The following PRKDC variants were observed in gnomAD, a reference collection of about 807,000 sequenced individuals.
PRKDC encodes the protein DNA-dependent protein kinase catalytic subunit.
In PRKDC, 82 loss-of-function variants were observed where a neutral mutation model predicts 486.9. The observed-to-expected ratio is 0.17, with a 90% CI of 0.14 to 0.20. The LOEUF is 0.20. Ranked by LOEUF, PRKDC falls within the 10% of genes least tolerant of loss-of-function variation. The pLI is 1.00. For synonymous variants in PRKDC, 1,895 were observed against 1,837.0 expected, an observed-to-expected ratio of 1.03 and a Z score of -0.81; for missense variants, 4,504 against 5,038.2, an observed-to-expected ratio of 0.89 and a Z score of 3.21.
intron 22 of PRKDC, 64 bp downstream of exon 22, chr8:47,918,213 T>A (rs2090018192): frequency 9.2e-7 from 1 of 1,090,390 alleles, no homozygotes; most frequent in South Asian, 1.8e-5. Context: ...TTTTTACTTT[T>A]CACAAGTGTT....
At chr8:47,778,911 T>C (rs1274577523) in intron 81 of PRKDC, 93 bp downstream of exon 81, 1 of 1,444,390 alleles carries the variant, frequency 6.9e-7, no homozygotes, top group African/African-American at 1.4e-5. Flanking sequence ...ATCTTGATGA[T>C]CTCTCTGAGG....
At chr8:47,862,629 C>G in intron 42 of PRKDC, 88 bp from the exon 43 acceptor site, 1 of 1,301,908 alleles carries the variant, frequency 7.7e-7, no homozygotes, top group Admixed American at 2.7e-5. Flanking sequence ...GGACCTAATG[C>G]CATTCAGCCT....
intron 84 of PRKDC, 23 bp downstream of exon 84, chr8:47,777,663 A>G (rs998972079): frequency 4.5e-6 from 7 of 1,548,934 alleles, no homozygotes; most frequent in Non-Finnish European, 6.1e-6. Context: ...AAAAGTGAAA[A>G]GTGCACATGA....
intron 40 of PRKDC, among the ~76,000 whole-genome samples, chr8:47,873,788 T>C (rs1178592632): frequency 6.6e-6 from 1 of 152,110 alleles, no homozygotes; most frequent in African/African-American, 2.4e-5. Context: ...CTCACTTACT[T>C]GTGGCATCCA....
At chr8:47,904,712 G>C (rs2089742651) in intron 26 of PRKDC, among the ~76,000 whole-genome samples, 157 bp downstream of exon 26, 1 of 152,192 alleles carries the variant, frequency 6.6e-6, no homozygotes, top group Admixed American at 6.5e-5. Flanking sequence ...AGAATTGCTT[G>C]ATCCTGGGAG....
At chr8:47,891,715 C>CA (rs2089461811) in intron 31 of PRKDC, among the ~76,000 whole-genome samples, 1 of 151,348 alleles carries the variant, frequency 6.6e-6, no homozygotes, top group Non-Finnish European at 1.5e-5. Context: ...GACTCCATTT[C>CA]AAAAAAGAAA....
intron 58 of PRKDC, among the ~76,000 whole-genome samples, chr8:47,835,323 C>T (rs191009184): frequency 2.6e-5 from 4 of 152,182 alleles, no homozygotes; most frequent in Admixed American, 2.0e-4. Flanking sequence ...CTGAAACTTT[C>T]CCTGATCTTT....
At chr8:47,879,283 A>C (rs2089156362) in intron 39 of PRKDC, among the ~76,000 whole-genome samples, 1 of 152,220 alleles carries the variant, frequency 6.6e-6, no homozygotes, top group African/African-American at 2.4e-5. Context: ...CATGGTGCTG[A>C]TTCAGTATGT....
intron 24 of PRKDC, 120 bp from the exon 25 acceptor site, chr8:47,912,682 T>A: frequency 1.2e-6 from 1 of 842,550 alleles, no homozygotes; most frequent in Non-Finnish European, 1.7e-6. Context: ...AACTATCATG[T>A]AACCCAAATA....
At chr8:47,785,458 G>T in intron 76 of PRKDC, 141 bp from the exon 77 acceptor site, 1 of 730,030 alleles carries the variant, frequency 1.4e-6, no homozygotes, top group Non-Finnish European at 2.2e-6. Context: ...TTTTGGTTGG[G>T]CATGGTGGCT....
chr8:47,921,544 T>C (rs918237200), intron 21 of PRKDC, among the ~76,000 whole-genome samples: 7 of 152,132 alleles, frequency 4.6e-5, no homozygotes, highest in African/African-American at 1.7e-4. Flanking sequence ...TTTGCTTTTA[T>C]AGGCCGTTGA....
intron 26 of PRKDC, 91 bp downstream of exon 26, chr8:47,904,778 G>C (rs1589781172): frequency 9.4e-7 from 1 of 1,065,552 alleles, no homozygotes; most frequent in South Asian, 1.5e-5. Flanking sequence ...GGGCGACGGA[G>C]CAAGACTGTC....
chr8:47,858,735 A>C, intron 47 of PRKDC, 100 bp from the exon 48 acceptor site: 1 of 1,461,806 alleles, frequency 6.8e-7, no homozygotes. Flanking sequence ...ATGAACAAAA[A>C]AAAATCACAT....
chr8:47,870,584 A>G (rs1241137874), intron 40 of PRKDC, among the ~76,000 whole-genome samples: 1 of 152,206 alleles, frequency 6.6e-6, no homozygotes, highest in Non-Finnish European at 1.5e-5. Flanking sequence ...AGTACCTACA[A>G]ATACCTGGAA....
At chr8:47,887,796 T>A in intron 34 of PRKDC, 91 bp from the exon 35 acceptor site, 1 of 1,346,390 alleles carries the variant, frequency 7.4e-7, no homozygotes, top group South Asian at 1.5e-5. Context: ...AAAACCCACT[T>A]CAGATAGCAC....
intron 65 of PRKDC, 72 bp downstream of exon 65, chr8:47,821,532 T>TA: frequency 2.1e-6 from 3 of 1,454,884 alleles, no homozygotes; most frequent in Non-Finnish European, 2.8e-6. Context: ...TGAAATGTTT[T>TA]AAACAATTTT....
Position 47,877,619 on chromosome 8 carries a change from C to T in PRKDC, c.5363+105G>A, listed in dbSNP as rs146932811. The T allele has an allele frequency of 2.9e-4, 337 of 1,179,636 alleles. 2 individuals are homozygous for T. In the African/African-American group the frequency reaches 4.8e-3, roughly 17 times the overall value. The allele number at this position is 1,179,636 out of a possible 1,614,324, so 73.1% of individuals were successfully genotyped here. A position where few individuals can be genotyped will look rare whatever the true frequency, so the allele number is the denominator to read the frequency against. On this transcript the variant is annotated intron_variant, in intron 40 of 85. Transcript: ENST00000314191. ...AAAAAACTAAAATAAAGTTTAGTAG[C>T]AAGAATATAATTGCCACTCAGCTTT...
At chr8:47,803,673 G>A (rs1336387440) in intron 69 of PRKDC, among the ~76,000 whole-genome samples, 193 bp from the exon 70 acceptor site, 1 of 152,122 alleles carries the variant, frequency 6.6e-6, no homozygotes, top group Non-Finnish European at 1.5e-5. Context: ...ATTCAGGCCA[G>A]GTTTAGTGGC....
chr8:47,839,183 C>G lies in PRKDC; in HGVS notation c.7518G>C (p.Leu2506=), dbSNP rs990430158. ...GGTTCTCATCGATCAATCCTTGAAT[C>G]AGCACATCTTTTGCCAACTTAAATA... ...QEIFKLAKDV[L]IQGLIDENPG... Residue 2506 remains leucine, a synonymous_variant, in exon 56 of 86, where the codon CTG becomes CTC. Coordinates refer to ENST00000314191, the MANE Select transcript of PRKDC (RefSeq NM_006904.7). The G allele has an allele frequency of 4.3e-6, 7 of 1,613,844 alleles. No homozygotes were observed. Among genetic ancestry groups the G allele is most frequent in the Non-Finnish European group, 5.9e-6 (7 of 1,179,780 alleles).
Sources: allele counts gnomAD v4.1 joint callset (sites outside exome capture counted in the v4.1 genomes callset), GRCh38; gene constraint gnomAD v4.1.1; transcripts MANE v1.5; gene names NCBI Gene and HGNC (gene_info 2026-07-23, HGNC 2026-07-21).